The following AMTN variants were observed in gnomAD, a reference collection of about 807,000 sequenced individuals.
AMTN encodes the protein RSTI689.
A neutral mutation model predicts 27.4 loss-of-function variants in AMTN; 29 were observed. The ratio of observed to expected loss-of-function variants is 1.06; its 90% CI spans 0.79 to 1.44. The LOEUF (loss-of-function observed/expected upper bound fraction) is 1.44. Ranked by LOEUF, AMTN falls within the 40% of genes most tolerant of loss-of-function variation. The pLI is 0.00. For synonymous variants in AMTN, 86 were observed against 95.7 expected, an observed-to-expected ratio of 0.90 and a Z score of 0.59; for missense variants, 247 against 248.8, an observed-to-expected ratio of 0.99 and a Z score of 0.05.
Position 70,518,669 on chromosome 4 carries a change from C to T in AMTN, c.-16+15C>T. 1.2e-6 allele frequency: 1 copy of T among 866,134 alleles called. No homozygotes were observed. Among genetic ancestry groups the T allele is most frequent in the Non-Finnish European group, 1.9e-6 (1 of 526,622 alleles). The allele number at this position is 866,134 out of a possible 1,614,324, so 53.7% of individuals were successfully genotyped here. A position where few individuals can be genotyped will look rare whatever the true frequency, so the allele number is the denominator to read the frequency against. ...TGGACCCAAAGGTAACATTAATTGACCATGTTTCAAGTAGAACTTTTGTTT... is the reference window on the plus strand; with the variant it reads ...TGGACCCAAAGGTAACATTAATTGATCATGTTTCAAGTAGAACTTTTGTTT... On this transcript the variant is annotated intron_variant, in intron 1 of 8. Coordinates refer to ENST00000339336, the MANE Select transcript of AMTN (RefSeq NM_212557.4).
rs757420521 is a variant in AMTN, at chr4:70,526,230, C to T, written c.294+1269C>T. Among the ~76,000 whole-genome samples, 130 of 152,210 alleles carry T rather than the reference C, an allele frequency of 8.5e-4. 1 individual carries two copies. The highest frequency in any genetic ancestry group is 6.8e-3 in the Middle Eastern group (2 of 294). On this transcript the variant is annotated intron_variant, in intron 5 of 8. Coordinates refer to ENST00000339336, the MANE Select transcript of AMTN (RefSeq NM_212557.4). ...AGTCTTTTTTCTATACACATAAGTACATTTTTAAATAAAATGTTTTTGCTA... is the reference window on the plus strand; with the variant it reads ...AGTCTTTTTTCTATACACATAAGTATATTTTTAAATAAAATGTTTTTGCTA...
intron 2 of AMTN, among the ~76,000 whole-genome samples, chr4:70,521,532 C>T (rs1335971352): frequency 6.8e-6 from 1 of 147,084 alleles, no homozygotes; most frequent in African/African-American, 2.5e-5. Flanking sequence ...GATGAAAAGA[C>T]TTACTTACAA....
chr4:70,518,702 A>G, intron 1 of AMTN, 48 bp downstream of exon 1: 2 of 1,210,812 alleles, frequency 1.7e-6, no homozygotes, highest in Middle Eastern at 1.9e-4. Flanking sequence ...TTTTTAAAGT[A>G]TCATTTTCTC....
chr4:70,525,207 C>T (rs538190758), intron 5 of AMTN, among the ~76,000 whole-genome samples: 2 of 152,262 alleles, frequency 1.3e-5, no homozygotes, highest in African/African-American at 4.8e-5. Flanking sequence ...GACAGGAAAC[C>T]TTGAAAAGTT....
At chr4:70,522,861 C>T (rs576236311) in intron 3 of AMTN, 23 bp downstream of exon 3, 1 of 1,602,306 alleles carries the variant, frequency 6.2e-7, no homozygotes, top group South Asian at 1.1e-5. Flanking sequence ...CAATATGGAA[C>T]ATGTACAAAC....
At chr4:70,526,417 T>C (rs1736100141) in intron 5 of AMTN, among the ~76,000 whole-genome samples, 1 of 152,204 alleles carries the variant, frequency 6.6e-6, no homozygotes, top group African/African-American at 2.4e-5. Flanking sequence ...TCTTTGCTTC[T>C]ATAAACAATG....
chr4:70,530,642 T>C (rs559077747), intron 7 of AMTN, among the ~76,000 whole-genome samples: 8 of 152,316 alleles, frequency 5.3e-5, no homozygotes, highest in African/African-American at 1.9e-4. Flanking sequence ...CCAGGATAAA[T>C]GTTTCTAACT....
intron 2 of AMTN, among the ~76,000 whole-genome samples, chr4:70,520,862 G>A (rs1236134653): frequency 6.6e-6 from 1 of 152,174 alleles, no homozygotes; most frequent in Non-Finnish European, 1.5e-5. Context: ...ACAGGTGAGA[G>A]AGTAAAGCCA....
chr4:70,526,389 T>C (rs572932344), intron 5 of AMTN, among the ~76,000 whole-genome samples: 38 of 152,250 alleles, frequency 2.5e-4, no homozygotes, highest in Non-Finnish European at 4.3e-4. Flanking sequence ...TTATGAAAAT[T>C]TGGGGGTTTT....
chr4:70,532,432 A>C (rs775859634), intron 8 of AMTN, 23 bp from the exon 9 acceptor site: 1 of 1,582,562 alleles, frequency 6.3e-7, no homozygotes, highest in Non-Finnish European at 8.6e-7. Context: ...CCTACATTTA[A>C]AAGGTGTTTT....
At chr4:70,530,982 G>T (rs1736206263) in intron 7 of AMTN, 57 bp from the exon 8 acceptor site, 4 of 1,593,066 alleles carry the variant, frequency 2.5e-6, no homozygotes, top group Non-Finnish European at 3.4e-6. Flanking sequence ...CCCCTTAAAA[G>T]AGAAAAGAAA....
chr4:70,525,651 T>A (rs1034554919), intron 5 of AMTN, among the ~76,000 whole-genome samples: 3 of 152,176 alleles, frequency 2.0e-5, no homozygotes, highest in African/African-American at 4.8e-5. Flanking sequence ...ATCCCAGCAC[T>A]TTGGAAGGCC....
intron 4 of AMTN, 110 bp downstream of exon 4, chr4:70,524,043 C>T (rs1193445863): frequency 2.5e-6 from 2 of 801,180 alleles, no homozygotes; most frequent in Non-Finnish European, 4.0e-6. Context: ...AATGAAAACA[C>T]ACATATACTT....
In AMTN at chr4:70,532,311, T is replaced by C. The variant is rs542084895; in HGVS notation, c.620-144T>C. The C allele has an allele frequency of 5.2e-5, 32 of 618,554 alleles. No individual in the cohort carries two copies. In the South Asian group the frequency reaches 9.0e-4, roughly 17 times the overall value. 38.3% of individuals were successfully genotyped at this position (618,554 alleles called of 1,614,324 possible). A position where few individuals can be genotyped will look rare whatever the true frequency, so the allele number is the denominator to read the frequency against. ...GTTAATTGCTTAACATGTGAAAATG[T>C]CTAGAACCAAATATCCTTAGAGATA... is the stretch of plus-strand genomic sequence containing the variant. On this transcript the variant is annotated intron_variant, in intron 8 of 8. Transcript: ENST00000339336.
At chr4:70,530,960 C>T in intron 7 of AMTN, 79 bp from the exon 8 acceptor site, 2 of 1,538,866 alleles carry the variant, frequency 1.3e-6, no homozygotes, top group Non-Finnish European at 1.8e-6. Flanking sequence ...TCCATTCCTA[C>T]CCAAACTTGC....
At position 70,531,237 on chromosome 4, in the gene AMTN, A is replaced by C. The variant is rs1017027546; in HGVS notation, c.556A>C (p.Thr186Pro). The C allele has an allele frequency of 6.2e-7, 1 of 1,613,860 alleles. No individual in the cohort carries two copies. ...CACAGATGACGACTTTGCAGTGACC[A>C]CCCCTGCAGGCATCCAAAGGAGCAC... ...SGTDDDFAVT[T>P]PAGIQRSTHA... is the part of the protein sequence containing the mutation. Residue 186 changes from threonine (T) to proline (P), a missense_variant, in exon 8 of 9, where the codon ACC becomes CCC. Transcript: ENST00000339336.
At position 70,518,823 on chromosome 4, in the gene AMTN, T is replaced by C. The variant is rs1309838768; in HGVS notation, c.46T>C (p.Ser16Pro). 1.9e-6 allele frequency: 3 copies of C among 1,609,132 alleles called. No homozygotes were observed. The highest frequency in any genetic ancestry group is 2.2e-5 in the South Asian group (2 of 90,968). The change falls in exon 2 of 9, where the codon TCA becomes CCA. Residue 16 changes from serine (S) to proline (P), a missense_variant. By Grantham distance (74) the Ser-to-Pro change is moderately conservative. Coordinates refer to ENST00000339336, the MANE Select transcript of AMTN (RefSeq NM_212557.4). ...LLFCLLGSTR[S>P]LPQLKPALGL... is the part of the protein sequence containing the mutation. ...GTTTTGTCTTCTAGGATCAACTCGG[T>C]CATTACCAGTAAGTATGTTATGTTT...
At chr4:70,531,326 C>T (rs755864834) in intron 8 of AMTN, 26 bp downstream of exon 8, 2 of 1,611,202 alleles carry the variant, frequency 1.2e-6, no homozygotes, top group South Asian at 2.2e-5. Flanking sequence ...TTGGAACATG[C>T]TTCTTGGCTA....
chr4:70,524,984 A>C, intron 5 of AMTN, 23 bp downstream of exon 5: 1 of 1,602,676 alleles, frequency 6.2e-7, no homozygotes, highest in Non-Finnish European at 8.5e-7. Context: ...GCTGGACCTT[A>C]GTTTTAACAT....
Sources: gnomAD v4.1 joint callset for allele counts (sites outside exome capture counted in the v4.1 genomes callset) on GRCh38, gnomAD v4.1.1 for gene constraint, MANE v1.5 for transcripts, NCBI Gene and HGNC (gene_info 2026-07-23, HGNC 2026-07-21) for gene names.